The following NALCN variants were observed in gnomAD, a reference collection of about 807,000 sequenced individuals.
NALCN encodes sodium leak channel NALCN.
Under a neutral mutation model 225.3 loss-of-function variants are expected in NALCN, and 111 were observed. The observed-to-expected ratio is 0.49, with a 90% CI of 0.42 to 0.58. The LOEUF is 0.58. Among genes scored for constraint, NALCN ranks in the 20% least tolerant of loss-of-function variants. The probability of loss-of-function intolerance (pLI) is 0.00; values close to 1 mark genes in which losing one functional copy is unlikely to be tolerated. For missense variants in NALCN, 1,378 were observed against 2,202.4 expected (o/e 0.63, Z 7.49); for synonymous variants, 764 against 769.0 (o/e 0.99, Z 0.11).
rs1455203403 is a variant in NALCN at position 101,075,863 on chromosome 13, A to G, written c.3954+10T>C. 10 of 1,602,018 alleles carry G rather than the reference A, an allele frequency of 6.2e-6. No homozygotes were observed. The highest frequency in any genetic ancestry group is 3.4e-6 in the Non-Finnish European group (4 of 1,174,754). ...GACCTTTAAGATAAGATTCTTAACAATGTACTTACATGTTTTCCACAGATG... is the reference window on the plus strand; with the variant it reads ...GACCTTTAAGATAAGATTCTTAACAGTGTACTTACATGTTTTCCACAGATG... On this transcript the variant is annotated intron_variant, in intron 35 of 43. Transcript: ENST00000251127.
chr13:101,260,874 T>C (rs190448968), intron 10 of NALCN, among the ~76,000 whole-genome samples: 254 of 152,332 alleles, frequency 1.7e-3, no homozygotes, highest in Non-Finnish European at 2.7e-3. Flanking sequence ...CTTTGTAACT[T>C]GATGTAATCC....
At chr13:101,208,215 C>T (rs921765965) in intron 13 of NALCN, among the ~76,000 whole-genome samples, 12 of 152,160 alleles carry the variant, frequency 7.9e-5, no homozygotes, top group Admixed American at 1.3e-4. Flanking sequence ...GAACTCCCGA[C>T]GGGAGGAACA....
rs1447560398 is a variant in NALCN, at chr13:101,400,580, T to TGTGTGTGC, written c.-39-1416_-39-1415insGCACACAC. Among the ~76,000 whole-genome samples, 102 of 135,746 alleles carry TGTGTGTGC rather than the reference T, an allele frequency of 7.5e-4. 1 individual carries two copies. Among genetic ancestry groups the TGTGTGTGC allele is most frequent in the Admixed American group, 1.0e-3 (14 of 13,956 alleles). The allele number at this position is 135,746 out of a possible 152,430, so 89.1% of individuals were successfully genotyped here. On this transcript the variant is annotated intron_variant, in intron 1 of 43. Transcript: ENST00000251127. ...GTGTGTGTGTGTGTGTGTGTGTGTG[T>TGTGTGTGC]GCACGTGTGTGCGCGCGCACACAGA...
intron 11 of NALCN, among the ~76,000 whole-genome samples, chr13:101,246,643 A>C (rs565819575): frequency 2.2e-4 from 33 of 152,346 alleles, no homozygotes; most frequent in African/African-American, 7.5e-4. Flanking sequence ...AGAAACACAC[A>C]CAAAAAGTAA....
At chr13:101,366,845 C>G (rs572630036) in intron 6 of NALCN, among the ~76,000 whole-genome samples, 91 of 152,170 alleles carry the variant, frequency 6.0e-4, no homozygotes, top group African/African-American at 2.0e-3. Flanking sequence ...CATTGTCACC[C>G]TGTTGTGCAT....
intron 14 of NALCN, among the ~76,000 whole-genome samples, chr13:101,182,338 A>G (rs1385978710): frequency 2.0e-5 from 3 of 152,084 alleles, no homozygotes; most frequent in Non-Finnish European, 4.4e-5. Context: ...CAAGACTCCT[A>G]AAGGAAGAGC....
chr13:101,080,827 T>C (rs1431711803), intron 34 of NALCN, among the ~76,000 whole-genome samples: 1 of 151,548 alleles, frequency 6.6e-6, no homozygotes, highest in African/African-American at 2.4e-5. Flanking sequence ...TACTTTTTTA[T>C]TGTGGCTTCT....
At chr13:101,409,992 G>A (rs535238766) in intron 1 of NALCN, among the ~76,000 whole-genome samples, 8 of 152,180 alleles carry the variant, frequency 5.3e-5, no homozygotes, top group African/African-American at 1.2e-4. Context: ...TGGGACTAGC[G>A]AATCTATAAG....
chr13:101,116,460 G>A (rs762277069), intron 18 of NALCN: 2 of 507,494 alleles, frequency 3.9e-6, no homozygotes, highest in East Asian at 5.5e-5. Flanking sequence ...GATCTTTGGA[G>A]CTTTATTAGC....
At chr13:101,148,279 C>A (rs1215509404) in intron 15 of NALCN, among the ~76,000 whole-genome samples, 1 of 152,190 alleles carries the variant, frequency 6.6e-6, no homozygotes, top group Non-Finnish European at 1.5e-5. Flanking sequence ...TTGCCTTTCT[C>A]TTGTTTCTCA....
At chr13:101,252,924 G>A (rs555264715) in intron 11 of NALCN, among the ~76,000 whole-genome samples, 2 of 152,176 alleles carry the variant, frequency 1.3e-5, no homozygotes, top group East Asian at 3.9e-4. Flanking sequence ...AATCTCCTGT[G>A]CTGTGCTGAT....
intron 7 of NALCN, among the ~76,000 whole-genome samples, chr13:101,324,539 C>A (rs2139206507): frequency 6.6e-6 from 1 of 152,274 alleles, no homozygotes; most frequent in East Asian, 1.9e-4. Context: ...CTCTTTGAAG[C>A]AATTGTGAAT....
chr13:101,114,588 A>G (rs919168213), intron 18 of NALCN, among the ~76,000 whole-genome samples: 4 of 152,092 alleles, frequency 2.6e-5, no homozygotes, highest in Non-Finnish European at 2.9e-5. Flanking sequence ...ATCACAGCTC[A>G]CGAGGAACTG....
intron 43 of NALCN, chr13:101,056,833 T>C (rs1267874089): frequency 1.3e-5 from 2 of 152,166 alleles, no homozygotes; most frequent in Non-Finnish European, 2.9e-5. Context: ...TCAGAAATCT[T>C]TGCTAGCTCC....
At chr13:101,315,371 A>G (rs1252311076) in intron 7 of NALCN, among the ~76,000 whole-genome samples, 1 of 152,158 alleles carries the variant, frequency 6.6e-6, no homozygotes, top group Non-Finnish European at 1.5e-5. Context: ...TTATGTATGT[A>G]TGCATGCATG....
At chr13:101,129,608 G>T (rs1363851329) in intron 17 of NALCN, among the ~76,000 whole-genome samples, 1 of 152,054 alleles carries the variant, frequency 6.6e-6, no homozygotes, top group Admixed American at 6.5e-5. Context: ...GGTGTTTCAA[G>T]AACATATCTA....
chr13:101,217,694 T>TA (rs1371661309), intron 13 of NALCN, among the ~76,000 whole-genome samples: 1 of 152,094 alleles, frequency 6.6e-6, no homozygotes, highest in African/African-American at 2.4e-5. Context: ...GCAAAGGCAG[T>TA]AAGACCCATG....
chr13:101,067,300 AGGAG>A (rs1485757609), intron 39 of NALCN, among the ~76,000 whole-genome samples: 1 of 43,070 alleles, frequency 2.3e-5, no homozygotes, highest in African/African-American at 1.2e-4. Flanking sequence ...GAGGGGGAAG[AGGAG>A]GGGGAAGAGG....
chr13:101,116,974 C>T, intron 18 of NALCN: 1 of 516,326 alleles, frequency 1.9e-6, no homozygotes, highest in Middle Eastern at 3.2e-4. Flanking sequence ...ACAGCGGATG[C>T]TAATGGGTGA....
Sources: allele counts gnomAD v4.1 joint callset (sites outside exome capture counted in the v4.1 genomes callset), GRCh38; gene constraint gnomAD v4.1.1; transcripts MANE v1.5; gene names NCBI Gene and HGNC (gene_info 2026-07-23, HGNC 2026-07-21).